Variants in NICOL1 observed in about 807,000 individuals in gnomAD.
NICOL1 encodes the protein NELL2 interacting cell ontogeny regulator 1.
At chr4:2,040,843 C>T in the NICOL1 span, among the ~76,000 whole-genome samples, 1 of 144,814 alleles carries the variant, frequency 6.9e-6, no homozygotes, top group Non-Finnish European at 1.5e-5. Context: ...TTCCCCAACC[C>T]ACCCTCCCAC....
chr4:2,042,014 C>G, the NICOL1 span: 336 of 1,470,790 alleles, frequency 2.3e-4, 1 homozygote, highest in South Asian at 2.7e-3. Flanking sequence ...GCGCGCCGGA[C>G]GCGGAACGTC....
the NICOL1 span, chr4:2,043,802 C>T: frequency 4.8e-6 from 7 of 1,464,456 alleles, no homozygotes; most frequent in Non-Finnish European, 6.5e-6. Context: ...TGGGTGGAGG[C>T]CCAGGGGAAT....
the NICOL1 span, chr4:2,041,780 G>C: frequency 2.1e-6 from 1 of 479,118 alleles, no homozygotes; most frequent in East Asian, 3.6e-5. Flanking sequence ...TTGCGCTCTG[G>C]AGGTCTCGCC....
At chr4:2,036,593 C>G in the NICOL1 span, among the ~76,000 whole-genome samples, 3 of 152,152 alleles carry the variant, frequency 2.0e-5, no homozygotes. Flanking sequence ...AAGCTGAAGA[C>G]AGACGGAAGC....
chr4:2,042,069 G>A, the NICOL1 span: 1 of 1,483,298 alleles, frequency 6.7e-7, no homozygotes, highest in South Asian at 1.3e-5. Flanking sequence ...CTGAACCGCG[G>A]TAAGGGCGGT....
chr4:2,042,035 C>G, the NICOL1 span: 1 of 1,476,944 alleles, frequency 6.8e-7, no homozygotes, highest in Admixed American at 2.7e-5. Flanking sequence ...TGCCGGTGTC[C>G]CCGCGCTGCT....
chr4:2,042,210 G>A, the NICOL1 span: 10 of 1,380,984 alleles, frequency 7.2e-6, no homozygotes, highest in Non-Finnish European at 8.4e-6. Flanking sequence ...GGGTGGGTGG[G>A]TCCAGGGCTC....
At chr4:2,043,662 C>T in the NICOL1 span, among the ~76,000 whole-genome samples, 3 of 152,126 alleles carry the variant, frequency 2.0e-5, no homozygotes, top group Non-Finnish European at 4.4e-5. Flanking sequence ...ACCAGCAGAC[C>T]CCAGGCAGGC....
chr4:2,043,839 C>CA, the NICOL1 span: 2 of 1,546,976 alleles, frequency 1.3e-6, no homozygotes, highest in Non-Finnish European at 1.7e-6. Context: ...GCTGCACCCT[C>CA]ACCCCTCTTG....
chr4:2,042,729 C>T, the NICOL1 span: 2 of 1,508,850 alleles, frequency 1.3e-6, no homozygotes, highest in South Asian at 2.5e-5. Flanking sequence ...ACCCGCGCCC[C>T]CCGCAGGCCG....
At chr4:2,039,277 G>T in the NICOL1 span, among the ~76,000 whole-genome samples, 1 of 151,952 alleles carries the variant, frequency 6.6e-6, no homozygotes, top group Non-Finnish European at 1.5e-5. Context: ...AGCTGGGTGT[G>T]GGGGCAGGCA....
the NICOL1 span, chr4:2,042,689 G>T: frequency 8.5e-7 from 1 of 1,173,334 alleles, no homozygotes; most frequent in Non-Finnish European, 1.2e-6. Flanking sequence ...GGGCCTTGCG[G>T]GTGACCCCCC....
At chr4:2,042,059 C>G in the NICOL1 span, 1 of 1,478,602 alleles carries the variant, frequency 6.8e-7, no homozygotes, top group African/African-American at 1.5e-5. Flanking sequence ...CCCGGGGTCC[C>G]TGAACCGCGG....
chr4:2,042,749 G>T, the NICOL1 span: 4 of 1,516,442 alleles, frequency 2.6e-6, no homozygotes, highest in Non-Finnish European at 3.5e-6. Context: ...GCCCATGCGT[G>T]GACTGCCACG....
the NICOL1 span, chr4:2,042,936 G>T: frequency 1.5e-6 from 1 of 673,676 alleles, no homozygotes; most frequent in Non-Finnish European, 2.3e-6. Context: ...CCTTCACCCC[G>T]ATTTAAGATG....
chr4:2,038,237 G>GTGTATATATATATATATATATA, the NICOL1 span, among the ~76,000 whole-genome samples: 1 of 91,454 alleles, frequency 1.1e-5, no homozygotes, highest in African/African-American at 3.6e-5. Context: ...TGATCAGTGT[G>GTGTATATATATATATATATATA]TATATATATA....
the NICOL1 span, chr4:2,042,380 C>G: frequency 1.9e-6 from 1 of 516,132 alleles, no homozygotes; most frequent in Middle Eastern, 5.1e-4. Context: ...TGCCGGTCCC[C>G]GATGTCACCG....
the NICOL1 span, chr4:2,042,482 A>C: frequency 2.4e-6 from 1 of 415,588 alleles, no homozygotes; most frequent in Non-Finnish European, 4.2e-6. Flanking sequence ...GTCCCCGCGC[A>C]GAGTAGGTGC....
chr4:2,041,834 A>C, the NICOL1 span: 1 of 719,820 alleles, frequency 1.4e-6, no homozygotes, highest in Non-Finnish European at 2.1e-6. Context: ...TGCATCCGCC[A>C]TGGGCCTGGA....
Sources: allele counts gnomAD v4.1 joint callset (sites outside exome capture counted in the v4.1 genomes callset), GRCh38; gene constraint gnomAD v4.1.1; transcripts MANE v1.5; gene names NCBI Gene and HGNC (gene_info 2026-07-23, HGNC 2026-07-21).